Variants in HECW1 observed in about 807,000 individuals in gnomAD.
The protein encoded by HECW1 is HECT, C2 and WW domain containing E3 ubiquitin protein ligase 1, also known as E3 ubiquitin-protein ligase HECW1.
In HECW1, 61 loss-of-function variants were observed where a neutral mutation model predicts 182.3. The observed-to-expected ratio is 0.33, with a 90% CI of 0.27 to 0.41. HECW1 has a LOEUF of 0.41. Ranked by LOEUF, HECW1 falls within the 10% of genes least tolerant of loss-of-function variation. HECW1 has a pLI of 1.00. For missense variants in HECW1, 1,739 were observed against 2,108.9 expected, an observed-to-expected ratio of 0.82 and a Z score of 3.44; for synonymous variants, 859 against 832.6, an observed-to-expected ratio of 1.03 and a Z score of -0.55.
chr7:43,134,395 A>AAAC, intron 2 of HECW1, among the ~76,000 whole-genome samples: 1 of 68,352 alleles, frequency 1.5e-5, no homozygotes, highest in South Asian at 5.8e-4. Context: ...CTCTGTCTCA[A>AAAC]AAAAAAAAAA....
intron 26 of HECW1, 94 bp downstream of exon 26, chr7:43,542,092 T>C: frequency 3.6e-6 from 4 of 1,109,676 alleles, no homozygotes; most frequent in Non-Finnish European, 3.6e-6. Context: ...TTTTTAAGTG[T>C]AGACTTCAGT....
intron 3 of HECW1, among the ~76,000 whole-genome samples, chr7:43,263,623 T>G (rs189813134): frequency 6.6e-6 from 1 of 152,180 alleles, no homozygotes; most frequent in African/African-American, 2.4e-5. Context: ...CCTCCCAAAG[T>G]GCTGGGATTA....
intron 24 of HECW1, chr7:43,510,897 A>C (rs1438201122): frequency 1.3e-5 from 2 of 152,180 alleles, no homozygotes; most frequent in Non-Finnish European, 2.9e-5. Flanking sequence ...TGTGGCCCAC[A>C]CTTGGCTGGA....
At chr7:43,307,349 C>T (rs1017403021) in intron 3 of HECW1, among the ~76,000 whole-genome samples, 2 of 152,092 alleles carry the variant, frequency 1.3e-5, no homozygotes, top group Non-Finnish European at 2.9e-5. Flanking sequence ...ACAAAAGATA[C>T]TTGAGTTATT....
chr7:43,233,103 GC>G (rs1051587638), intron 2 of HECW1, among the ~76,000 whole-genome samples: 1 of 151,962 alleles, frequency 6.6e-6, no homozygotes, highest in African/African-American at 2.4e-5. Context: ...CTTCTCCCTA[GC>G]TGGTTGTTAC....
chr7:43,400,217 C>T (rs934592484), intron 7 of HECW1, among the ~76,000 whole-genome samples: 9 of 152,112 alleles, frequency 5.9e-5, no homozygotes, highest in Middle Eastern at 3.2e-3. Context: ...GGCTGGGCAA[C>T]AGAGCAAGAC....
intron 2 of HECW1, among the ~76,000 whole-genome samples, chr7:43,208,738 T>C (rs2152693591): frequency 6.6e-6 from 1 of 152,342 alleles, no homozygotes; most frequent in East Asian, 1.9e-4. Context: ...TCTTAACCTC[T>C]TTGGAGCCAC....
In HECW1 at chr7:43,445,493, C is replaced by G. The variant is rs1304656608; in HGVS notation, c.2321C>G (p.Ala774Gly). 1 of 1,611,806 alleles carries G rather than the reference C, an allele frequency of 6.2e-7. No individual in the cohort carries two copies. The highest frequency in any genetic ancestry group is 1.3e-5 in the African/African-American group (1 of 74,928). Residue 774 changes from alanine to glycine, a missense_variant, in exon 11 of 30, where the codon GCC (alanine) becomes GGC (glycine). Coordinates refer to ENST00000395891, the MANE Select transcript of HECW1 (RefSeq NM_015052.5). ...GCTGGGCCGTGGCAAGACGAGCTGG[C>G]CGCCCCTAGCGGGCACGTGGAAAGA... ...NGAGPWQDEL[A>G]APSGHVERSP...
At chr7:43,130,238 A>AAT (rs1786759206) in intron 2 of HECW1, among the ~76,000 whole-genome samples, 1 of 152,192 alleles carries the variant, frequency 6.6e-6, no homozygotes. Context: ...CCCTTACCAA[A>AAT]ATGCTTGGGC....
At position 43,303,815 on chromosome 7, in the gene HECW1, T is replaced by G. The variant is rs1034872581; in HGVS notation, c.28-7948T>G. Among the ~76,000 whole-genome samples, 6 of 151,922 alleles carry G rather than the reference T, an allele frequency of 3.9e-5. 1 individual carries two copies. Among genetic ancestry groups the G allele is most frequent in the Admixed American group, 3.3e-4 (5 of 15,264 alleles). Reference sequence around the variant, plus strand: ...GCAGCCACCTCCCACTCTCCTCCCTTACACCTGAGAGCCCCTACACCCGCC... The same window carrying G: ...GCAGCCACCTCCCACTCTCCTCCCTGACACCTGAGAGCCCCTACACCCGCC... On this transcript the variant is annotated intron_variant, in intron 3 of 29. Coordinates refer to ENST00000395891, the MANE Select transcript of HECW1 (RefSeq NM_015052.5).
chr7:43,198,144 T>C (rs1286301573), intron 2 of HECW1, among the ~76,000 whole-genome samples: 1 of 140,022 alleles, frequency 7.1e-6, no homozygotes, highest in Non-Finnish European at 1.5e-5. Flanking sequence ...CACCCCACAC[T>C]CTCTCACACT....
Position 43,323,743 on chromosome 7 carries a change from C to T in HECW1, c.460+3001C>T, listed in dbSNP as rs377208845. Among the ~76,000 whole-genome samples, 21 of 152,210 alleles carry T rather than the reference C, an allele frequency of 1.4e-4. No individual in the cohort carries two copies. In the East Asian group the frequency reaches 2.9e-3, roughly 21 times the overall value. ...GCAGCATCCTATAAAAAACAAATGG[C>T]TTGACCGTGCGCGGTGACTCATGCC... On this transcript the variant is annotated intron_variant, in intron 5 of 29. Transcript: ENST00000395891.
Position 43,360,956 on chromosome 7 carries a change from C to T in HECW1, c.531C>T (p.Val177=). 1.2e-6 allele frequency: 2 copies of T among 1,612,204 alleles called. No homozygotes were observed. Among genetic ancestry groups the T allele is most frequent in the Non-Finnish European group, 1.7e-6 (2 of 1,179,162 alleles). ...SGALRATTPS[V]TVKNSAAPIF... ...CCCTGCGAGCAACCACCCCCAGTGT[C>T]ACGGTCAAAAACTCGGCAGCTCCTG... The change falls in exon 6 of 30, where the codon GTC becomes GTT. Residue 177 remains valine (V), a synonymous_variant. Coordinates refer to ENST00000395891, the MANE Select transcript of HECW1 (RefSeq NM_015052.5).
In HECW1 at chr7:43,499,982, C is replaced by T. The variant is rs113983143; in HGVS notation, c.3438-717C>T. 2.6e-3 allele frequency among the ~76,000 whole-genome samples: 400 copies of T among 152,284 alleles called. 2 individuals are homozygous for T. The highest frequency in any genetic ancestry group is 8.9e-3 in the African/African-American group (370 of 41,564). ...GTTCTTGGTTCTTGGGGCCGGGCCC[C>T]CTCTGTGCCCAATGTGGCATCATAA... On this transcript the variant is annotated intron_variant, in intron 19 of 29. Coordinates refer to ENST00000395891, the MANE Select transcript of HECW1 (RefSeq NM_015052.5).
intron 6 of HECW1, among the ~76,000 whole-genome samples, chr7:43,371,814 G>A (rs2074115123): frequency 6.6e-6 from 1 of 152,066 alleles, no homozygotes; most frequent in South Asian, 2.1e-4. Context: ...ATTTTTTGTT[G>A]ATGGTGGATT....
In HECW1 at chr7:43,521,815, G is replaced by A. The variant is rs181059744; in HGVS notation, c.4019+12694G>A. Reference sequence around the variant, plus strand: ...CGCTTGAACCTGGGAGGCAGAGGTTGCAGTGAGCCTAATTGCATTGCACTC... The same window carrying A: ...CGCTTGAACCTGGGAGGCAGAGGTTACAGTGAGCCTAATTGCATTGCACTC... On this transcript the variant is annotated intron_variant, in intron 24 of 29. Transcript: ENST00000395891. 1.4e-3 allele frequency among the ~76,000 whole-genome samples: 218 copies of A among 152,358 alleles called. 1 individual carries two copies. The highest frequency in any genetic ancestry group is 5.0e-3 in the African/African-American group (206 of 41,588).
At chr7:43,232,438 G>T (rs1283333954) in intron 2 of HECW1, among the ~76,000 whole-genome samples, 1 of 152,190 alleles carries the variant, frequency 6.6e-6, no homozygotes, top group Non-Finnish European at 1.5e-5. Flanking sequence ...GCTTTTGCTG[G>T]TTATGCTGTG....
chr7:43,345,698 G>T (rs1445796773), intron 5 of HECW1, among the ~76,000 whole-genome samples: 1 of 151,942 alleles, frequency 6.6e-6, no homozygotes, highest in African/African-American at 2.4e-5. Context: ...TTCCCTTCCT[G>T]AGTTACATTA....
chr7:43,458,923 A>G (rs2077488224), intron 13 of HECW1, among the ~76,000 whole-genome samples: 1 of 152,250 alleles, frequency 6.6e-6, no homozygotes, highest in Non-Finnish European at 1.5e-5. Flanking sequence ...TTGTGCAAGG[A>G]GACATAAAAC....
Sources: gnomAD v4.1 joint callset for allele counts (sites outside exome capture counted in the v4.1 genomes callset) on GRCh38, gnomAD v4.1.1 for gene constraint, MANE v1.5 for transcripts, NCBI Gene and HGNC (gene_info 2026-07-23, HGNC 2026-07-21) for gene names.